The following CDH18 variants were observed in gnomAD, a reference collection of about 807,000 sequenced individuals.
CDH18 encodes the protein cadherin-18.
Under a neutral mutation model 67.9 loss-of-function variants are expected in CDH18, and 31 were observed. The observed-to-expected ratio is 0.46, with a 90% confidence interval of 0.34 to 0.62. CDH18 has a LOEUF of 0.62. Ranked by LOEUF, CDH18 falls within the 20% of genes least tolerant of loss-of-function variation. CDH18 has a pLI of 0.01. For missense variants in CDH18, 890 were observed against 975.5 expected (o/e 0.91, Z 1.17); for synonymous variants, 362 against 347.2 (o/e 1.04, Z -0.48).
chr5:19,824,228 G>A (rs1399023244), intron 3 of CDH18, among the ~76,000 whole-genome samples: 3 of 152,084 alleles, frequency 2.0e-5, no homozygotes, highest in Admixed American at 1.3e-4. Context: ...TCTCACAGAG[G>A]GGGAGCAAAA....
At chr5:19,739,885 A>C (rs998457439) in intron 4 of CDH18, among the ~76,000 whole-genome samples, 3 of 152,174 alleles carry the variant, frequency 2.0e-5, no homozygotes, top group African/African-American at 7.2e-5. Flanking sequence ...CTCCAACAAG[A>C]AGCACAATAA....
intron 3 of CDH18, among the ~76,000 whole-genome samples, chr5:19,819,006 A>G (rs146057455): frequency 0.012 from 1,859 of 152,154 alleles, 15 homozygotes; most frequent in African/African-American, 0.022. Context: ...AATGGCAATT[A>G]CATGTTGGAA....
intron 2 of CDH18, among the ~76,000 whole-genome samples, chr5:19,974,491 C>A (rs1170102434): frequency 2.8e-5 from 4 of 142,762 alleles, no homozygotes; most frequent in Admixed American, 7.3e-5. Flanking sequence ...TGCACTCCAG[C>A]CTGGGCGACA....
At chr5:20,364,805 G>T (rs1399461982) in intron 1 of CDH18, among the ~76,000 whole-genome samples, 1 of 152,068 alleles carries the variant, frequency 6.6e-6, no homozygotes, top group African/African-American at 2.4e-5. Flanking sequence ...ACATATAATA[G>T]TATTAACAAT....
At chr5:19,619,195 A>G (rs58097657) in intron 5 of CDH18, among the ~76,000 whole-genome samples, 4,865 of 152,278 alleles carry the variant, frequency 0.032, 252 homozygotes, top group African/African-American at 0.11. Flanking sequence ...TTCTTCATTC[A>G]TCATTGGCAA....
chr5:20,439,666 C>T (rs1749458517), intron 1 of CDH18, among the ~76,000 whole-genome samples: 1 of 151,474 alleles, frequency 6.6e-6, no homozygotes, highest in Admixed American at 6.6e-5. Flanking sequence ...CCTACATGGC[C>T]CAATCGAAAC....
chr5:20,267,434 T>C (rs966959244), intron 1 of CDH18, among the ~76,000 whole-genome samples: 2 of 152,196 alleles, frequency 1.3e-5, no homozygotes, highest in African/African-American at 4.8e-5. Context: ...TTTTATTCCA[T>C]ATAAATTCTA....
chr5:20,573,634 A>C (rs540585634), intron 1 of CDH18, among the ~76,000 whole-genome samples: 49 of 151,110 alleles, frequency 3.2e-4, no homozygotes, highest in African/African-American at 1.1e-3. Flanking sequence ...AGCAATCTGA[A>C]TATTATAAGC....
chr5:20,244,301 C>CTACA (rs1225304140), intron 2 of CDH18, among the ~76,000 whole-genome samples: 2 of 152,058 alleles, frequency 1.3e-5, no homozygotes, highest in African/African-American at 4.8e-5. Flanking sequence ...AAAGCATGAG[C>CTACA]TACACATTTT....
chr5:20,316,140 A>C (rs978653161), intron 1 of CDH18, among the ~76,000 whole-genome samples: 10 of 152,148 alleles, frequency 6.6e-5, no homozygotes, highest in African/African-American at 2.2e-4. Flanking sequence ...GATGAGAAGA[A>C]GCTTTCAAGA....
chr5:19,898,204 A>G (rs1340289714), intron 2 of CDH18, among the ~76,000 whole-genome samples: 2 of 151,926 alleles, frequency 1.3e-5, no homozygotes, highest in African/African-American at 4.8e-5. Flanking sequence ...TAGTATTTTA[A>G]TATCCAAGAG....
chr5:19,625,320 TTG>T lies in CDH18; in HGVS notation c.644-12721_644-12720del, dbSNP rs1345759728. ...TTAATTCTTGTTTTTGACAAATTAT[TTG>T]TTTTTTTTTTCCCCACTAGAACAAA... is the stretch of plus-strand genomic sequence containing the variant. On this transcript the variant is annotated intron_variant, in intron 5 of 12. Transcript: ENST00000382275. Among the ~76,000 whole-genome samples the T allele has an allele frequency of 9.2e-5, 14 of 151,826 alleles. No individual in the cohort carries two copies. In the East Asian group the frequency reaches 2.1e-3, roughly 23 times the overall value.
intron 5 of CDH18, among the ~76,000 whole-genome samples, chr5:19,614,816 A>C (rs902799610): frequency 6.6e-6 from 1 of 152,140 alleles, no homozygotes; most frequent in African/African-American, 2.4e-5. Context: ...AAACGGACAC[A>C]TACTTCTCTG....
chr5:19,944,099 T>C (rs1436676194), intron 2 of CDH18, among the ~76,000 whole-genome samples: 1 of 152,098 alleles, frequency 6.6e-6, no homozygotes, highest in Non-Finnish European at 1.5e-5. Context: ...CTTGACATCT[T>C]CTCCTTTTTC....
chr5:20,049,733 T>G (rs1470814928), intron 2 of CDH18, among the ~76,000 whole-genome samples: 2 of 151,652 alleles, frequency 1.3e-5, no homozygotes, highest in Non-Finnish European at 3.0e-5. Flanking sequence ...CCATAAAACT[T>G]AAATATGGCG....
At chr5:20,029,262 C>A (rs1739177743) in intron 2 of CDH18, among the ~76,000 whole-genome samples, 1 of 152,040 alleles carries the variant, frequency 6.6e-6, no homozygotes, top group African/African-American at 2.4e-5. Flanking sequence ...GTGATTGTTG[C>A]AAAGTTCAAA....
chr5:20,006,619 T>C (rs1286451484), intron 2 of CDH18, among the ~76,000 whole-genome samples: 2 of 152,012 alleles, frequency 1.3e-5, no homozygotes, highest in Non-Finnish European at 2.9e-5. Context: ...TTTCCATATA[T>C]TCCTAAATTA....
intron 2 of CDH18, among the ~76,000 whole-genome samples, chr5:20,159,415 G>T (rs1474877423): frequency 2.0e-5 from 3 of 152,130 alleles, no homozygotes; most frequent in Non-Finnish European, 4.4e-5. Flanking sequence ...CCATTTAGGA[G>T]CCAGGAGTAA....
intron 12 of CDH18, among the ~76,000 whole-genome samples, chr5:19,474,379 A>C (rs1444563561): frequency 6.6e-6 from 1 of 152,108 alleles, no homozygotes; most frequent in Non-Finnish European, 1.5e-5. Flanking sequence ...AATGTTCTTT[A>C]TATAACTTAT....
Sources: allele counts gnomAD v4.1 joint callset (sites outside exome capture counted in the v4.1 genomes callset), GRCh38; gene constraint gnomAD v4.1.1; transcripts MANE v1.5; gene names NCBI Gene and HGNC (gene_info 2026-07-23, HGNC 2026-07-21).